DGKB: variants seen among roughly 807,000 people sequenced by gnomAD.
DGKB encodes the protein diacylglycerol kinase beta.
In DGKB, 67 loss-of-function variants were observed where a neutral mutation model predicts 114.3. That is an observed-to-expected ratio of 0.59 (90% CI 0.48 to 0.72). The LOEUF (loss-of-function observed/expected upper bound fraction) is 0.72. DGKB is among the 30% of genes least tolerant of loss of function. DGKB has a pLI of 0.00. For synonymous variants in DGKB, 398 were observed against 323.1 expected (o/e 1.23, Z -2.49); for missense variants, 907 against 975.2 (o/e 0.93, Z 0.93).
intron 6 of DGKB, among the ~76,000 whole-genome samples, chr7:14,702,989 C>G (rs550564892): frequency 6.6e-6 from 1 of 152,232 alleles, no homozygotes; most frequent in African/African-American, 2.4e-5. Flanking sequence ...GGCAATAATA[C>G]TAAACTGGCT....
At chr7:14,431,951 C>T (rs1037086107) in intron 21 of DGKB, among the ~76,000 whole-genome samples, 1 of 151,022 alleles carries the variant, frequency 6.6e-6, no homozygotes, top group Non-Finnish European at 1.5e-5. Flanking sequence ...TATAAATGTA[C>T]ATTTTGCAAT....
intron 1 of DGKB, among the ~76,000 whole-genome samples, chr7:14,952,188 G>T (rs36892): frequency 0.12 from 18,348 of 151,964 alleles, 1,478 homozygotes; most frequent in Non-Finnish European, 0.18. Context: ...GAACTACCGG[G>T]AGAGAGACCT....
intron 2 of DGKB, among the ~76,000 whole-genome samples, chr7:14,785,893 C>CTTTT (rs367579936): frequency 5.4e-4 from 76 of 140,726 alleles, no homozygotes; most frequent in African/African-American, 1.8e-3. Flanking sequence ...AGAAGTTTTT[C>CTTTT]TTTTTTTTTT....
intron 17 of DGKB, among the ~76,000 whole-genome samples, chr7:14,592,641 C>A (rs1404312753): frequency 1.3e-5 from 2 of 151,798 alleles, no homozygotes; most frequent in Admixed American, 6.6e-5. Flanking sequence ...ACCTTGGTAT[C>A]ATTGATATTA....
At chr7:14,851,512 T>C (rs1438726961) in intron 1 of DGKB, among the ~76,000 whole-genome samples, 1 of 152,174 alleles carries the variant, frequency 6.6e-6, no homozygotes, top group Non-Finnish European at 1.5e-5. Flanking sequence ...TAAAATGCTA[T>C]GATAGATCCT....
intron 23 of DGKB, among the ~76,000 whole-genome samples, chr7:14,179,591 A>G (rs909451273): frequency 6.6e-6 from 1 of 152,152 alleles, no homozygotes; most frequent in Non-Finnish European, 1.5e-5. Flanking sequence ...TTTAGCATAG[A>G]GTTTAGAGAT....
At chr7:14,638,987 G>C (rs970502761) in intron 13 of DGKB, among the ~76,000 whole-genome samples, 1 of 152,052 alleles carries the variant, frequency 6.6e-6, no homozygotes, top group East Asian at 1.9e-4. Flanking sequence ...GCAGTGAGCT[G>C]AGATCACGCC....
intron 21 of DGKB, among the ~76,000 whole-genome samples, chr7:14,457,867 T>A (rs990066669): frequency 1.5e-4 from 23 of 152,206 alleles, no homozygotes; most frequent in African/African-American, 5.1e-4. Flanking sequence ...TACATCTACA[T>A]GAGAAGGACT....
At chr7:14,189,216 T>C (rs1485764671) in intron 23 of DGKB, among the ~76,000 whole-genome samples, 1 of 152,138 alleles carries the variant, frequency 6.6e-6, no homozygotes, top group Non-Finnish European at 1.5e-5. Context: ...GAATTACAAT[T>C]AATGGCAAAG....
At chr7:14,816,311 C>T (rs1844147171) in intron 2 of DGKB, 1 of 152,194 alleles carries the variant, frequency 6.6e-6, no homozygotes. Context: ...CACTGCACTC[C>T]AGCCTGGGTG....
chr7:14,754,587 A>C (rs55846217), intron 3 of DGKB, among the ~76,000 whole-genome samples: 54,023 of 151,858 alleles, frequency 0.36, 13,299 homozygotes, highest in African/African-American at 0.69. Flanking sequence ...AGAAAAAAAA[A>C]ATGTGTGGAA....
intron 23 of DGKB, among the ~76,000 whole-genome samples, chr7:14,222,159 T>G (rs1010140746): frequency 1.3e-5 from 2 of 150,988 alleles, no homozygotes; most frequent in African/African-American, 2.4e-5. Context: ...AATTTCTGCC[T>G]TAATCTTTGT....
chr7:14,959,214 A>G (rs940620091), intron 1 of DGKB, among the ~76,000 whole-genome samples: 1 of 152,052 alleles, frequency 6.6e-6, no homozygotes, highest in African/African-American at 2.4e-5. Context: ...TCATCATATA[A>G]TTAGTACATT....
In DGKB at chr7:14,231,947, C is replaced by T. The variant is rs563037364; in HGVS notation, c.2123-53796G>A. ...TGTTTAACTTAGCTAAAGCCTCATT[C>T]GGTGGGTTTGAGAGAAGTTGATGTG... is the stretch of plus-strand genomic sequence containing the variant. On this transcript the variant is annotated intron_variant, in intron 23 of 25. Transcript: ENST00000402815. Among the ~76,000 whole-genome samples the T allele has an allele frequency of 2.0e-4, 30 of 152,040 alleles. No individual in the cohort carries two copies. In the South Asian group the frequency reaches 3.5e-3, roughly 18 times the overall value.
intron 2 of DGKB, among the ~76,000 whole-genome samples, chr7:14,827,105 A>T (rs1845803791): frequency 6.6e-6 from 1 of 152,138 alleles, no homozygotes; most frequent in Non-Finnish European, 1.5e-5. Context: ...GAAGGAAGGG[A>T]AACAGAAGAA....
intron 13 of DGKB, among the ~76,000 whole-genome samples, chr7:14,654,369 A>C (rs998393298): frequency 2.0e-5 from 3 of 151,990 alleles, no homozygotes; most frequent in Non-Finnish European, 4.4e-5. Context: ...ACTGCAAAAC[A>C]CTGATGAAAA....
At chr7:14,394,558 T>C (rs148056815) in intron 21 of DGKB, among the ~76,000 whole-genome samples, 41 of 152,278 alleles carry the variant, frequency 2.7e-4, no homozygotes, top group African/African-American at 9.9e-4. Flanking sequence ...AGGGATCCAG[T>C]GGCTGTGCAT....
At chr7:14,552,172 G>A (rs577670172) in intron 20 of DGKB, among the ~76,000 whole-genome samples, 6 of 152,236 alleles carry the variant, frequency 3.9e-5, no homozygotes, top group East Asian at 1.9e-4. Flanking sequence ...AAGGGAATAT[G>A]CTTGTGTGTA....
chr7:14,385,705 C>T (rs374337941), intron 21 of DGKB, among the ~76,000 whole-genome samples: 2 of 152,086 alleles, frequency 1.3e-5, no homozygotes, highest in African/African-American at 2.4e-5. Context: ...AAATAAATTG[C>T]ATTGAAGTGT....
Sources: allele counts gnomAD v4.1 joint callset (sites outside exome capture counted in the v4.1 genomes callset), GRCh38; gene constraint gnomAD v4.1.1; transcripts MANE v1.5; gene names NCBI Gene and HGNC (gene_info 2026-07-23, HGNC 2026-07-21).